Variants in NAP1L4 observed in about 807,000 individuals in gnomAD.
NAP1L4 encodes the protein nucleosome assembly protein 1 like 4.
A neutral mutation model predicts 58.2 loss-of-function variants in NAP1L4; 15 were observed. That is an observed-to-expected ratio of 0.26 (90% CI 0.17 to 0.40). The LOEUF (loss-of-function observed/expected upper bound fraction) is 0.40. NAP1L4 is among the 10% of genes least tolerant of loss of function. NAP1L4 has a pLI of 1.00. For missense variants in NAP1L4, 384 were observed against 451.1 expected, an observed-to-expected ratio of 0.85 and a Z score of 1.35; for synonymous variants, 171 against 155.6, an observed-to-expected ratio of 1.10 and a Z score of -0.74.
At position 2,955,034 on chromosome 11, in the gene NAP1L4, C is replaced by T. The variant is rs539086361; in HGVS notation, c.916-388G>A. On this transcript the variant is annotated intron_variant, in intron 11 of 15. Coordinates refer to ENST00000380542, the MANE Select transcript of NAP1L4 (RefSeq NM_005969.4). This position sits in a 1 kb window ranked among gnomAD's most constrained non-coding sequence, Gnocchi z 4.2. ...AGATGTGTAATGATTTCAAATTAAT[C>T]CCAGAGTTTTAGGAAACAGAAATGG... Among the ~76,000 whole-genome samples, 2 of 152,076 alleles carry T rather than the reference C, an allele frequency of 1.3e-5. No homozygotes were observed. Among genetic ancestry groups the T allele is most frequent in the African/African-American group, 4.8e-5 (2 of 41,398 alleles).
rs1288105064 is a variant in NAP1L4, at chr11:2,954,920, G to A, written c.916-274C>T. ...TCCAAAGGTCTCACCCAGAGTAGGC[G>A]GTATCAGTCTCACATATGGGAAACA... On this transcript the variant is annotated intron_variant, in intron 11 of 15. Coordinates refer to ENST00000380542, the MANE Select transcript of NAP1L4 (RefSeq NM_005969.4). This position sits in a 1 kb window ranked among gnomAD's most constrained non-coding sequence, Gnocchi z 4.8. Among the ~76,000 whole-genome samples, 3 of 152,092 alleles carry A rather than the reference G, an allele frequency of 2.0e-5. No individual in the cohort carries two copies. Among genetic ancestry groups the A allele is most frequent in the Admixed American group, 1.3e-4 (2 of 15,268 alleles).
At chr11:2,967,394 T>C (rs1339767871) in intron 7 of NAP1L4, among the ~76,000 whole-genome samples, 1 of 152,066 alleles carries the variant, frequency 6.6e-6, no homozygotes, top group African/African-American at 2.4e-5. Flanking sequence ...AGGCGGATGA[T>C]GAGGTCAGCA....
intron 3 of NAP1L4, among the ~76,000 whole-genome samples, chr11:2,977,421 T>C (rs557084563): frequency 6.6e-6 from 1 of 152,268 alleles, no homozygotes; most frequent in South Asian, 2.1e-4. Context: ...TTACCCTGAA[T>C]CTCATCAGGA....
chr11:2,959,620 A>G lies in NAP1L4; in HGVS notation c.746+150T>C, dbSNP rs1846739646. 1 of 931,366 alleles carries G rather than the reference A, an allele frequency of 1.1e-6. No homozygotes were observed. Among genetic ancestry groups the G allele is most frequent in the Non-Finnish European group, 1.6e-6 (1 of 641,748 alleles). 57.7% of individuals were successfully genotyped at this position (931,366 alleles called of 1,614,324 possible). On this transcript the variant is annotated intron_variant, in intron 9 of 15. Coordinates refer to ENST00000380542, the MANE Select transcript of NAP1L4 (RefSeq NM_005969.4). The surrounding 1 kb of genome is among the most constrained non-coding windows in gnomAD (Gnocchi z 4.9). ...GCACTATGAGCATTCCCAAACTGAA[A>G]GACTATTGAAATATACATCTACCAG...
intron 10 of NAP1L4, chr11:2,958,136 C>T: frequency 4.7e-6 from 3 of 639,136 alleles, no homozygotes; most frequent in Middle Eastern, 2.4e-4. Context: ...CAAGTTTTTG[C>T]CTGGGCTACA....
At chr11:2,980,772 G>C (rs1848253275) in intron 1 of NAP1L4, among the ~76,000 whole-genome samples, 1 of 152,020 alleles carries the variant, frequency 6.6e-6, no homozygotes, top group Non-Finnish European at 1.5e-5. Context: ...TTCTAATTAT[G>C]ATCTATGACT....
chr11:2,961,130 G>GC (rs1401999245), intron 8 of NAP1L4, among the ~76,000 whole-genome samples: 1 of 151,754 alleles, frequency 6.6e-6, no homozygotes, highest in Admixed American at 6.6e-5. Context: ...ATCAACGGGG[G>GC]GGAAATTAAG....
In NAP1L4 at chr11:2,955,829, C is replaced by T. The variant is rs566143237; in HGVS notation, c.893-63G>A. ...TGACAACTCCCAGAATTTTAAAGCC[C>T]ACACAGGAGGAAGCTGTGCTGGTAG... On this transcript the variant is annotated intron_variant, in intron 10 of 15. Coordinates refer to ENST00000380542, the MANE Select transcript of NAP1L4 (RefSeq NM_005969.4). This position sits in a 1 kb window ranked among gnomAD's most constrained non-coding sequence, Gnocchi z 4.2. 31 of 1,460,564 alleles carry T rather than the reference C, an allele frequency of 2.1e-5. No individual in the cohort carries two copies. The highest frequency in any genetic ancestry group is 1.8e-4 in the East Asian group (8 of 43,986). 90.5% of individuals were successfully genotyped at this position (1,460,564 alleles called of 1,614,324 possible). A position where few individuals can be genotyped will look rare whatever the true frequency, so the allele number is the denominator to read the frequency against.
At chr11:2,967,811 G>A (rs1047089592) in intron 7 of NAP1L4, among the ~76,000 whole-genome samples, 6 of 152,146 alleles carry the variant, frequency 3.9e-5, no homozygotes, top group African/African-American at 1.2e-4. Context: ...CTGAAATGCT[G>A]AAGCACTGAC....
At chr11:2,989,630 A>G (rs1848837607) in intron 1 of NAP1L4, among the ~76,000 whole-genome samples, 1 of 152,222 alleles carries the variant, frequency 6.6e-6, no homozygotes, top group Admixed American at 6.5e-5. Flanking sequence ...GCTAGAGACT[A>G]TCAACTGCTC....
intron 8 of NAP1L4, among the ~76,000 whole-genome samples, chr11:2,961,126 G>C (rs892270670): frequency 8.5e-5 from 3 of 35,254 alleles, no homozygotes; most frequent in African/African-American, 1.5e-4. Context: ...AACCATCAAC[G>C]GGGGGGAAAT....
chr11:2,982,789 A>C (rs950967994), intron 1 of NAP1L4, among the ~76,000 whole-genome samples: 1 of 152,178 alleles, frequency 6.6e-6, no homozygotes, highest in Admixed American at 6.5e-5. Context: ...TTGGGAGGCC[A>C]AGGCGGGCAG....
chr11:2,954,530 G>A lies in NAP1L4; in HGVS notation c.1032C>T (p.Asp344=). The change falls in exon 12 of 16, where the codon GAC becomes GAT. Residue 344 remains aspartate (D), a synonymous_variant. Transcript: ENST00000380542. The surrounding 1 kb of genome is among the most constrained non-coding windows in gnomAD (Gnocchi z 4.8). ...YFTGEAIEDD[D]NFEEGEEGEE... is the part of the protein sequence containing the mutation. ...CCCCCTTCCCCGAGCCTCATACATT[G>A]TCATCATCTTCTATGGCCTCCCCAG... 1 of 1,614,166 alleles carries A rather than the reference G, an allele frequency of 6.2e-7. No individual in the cohort carries two copies.
intron 7 of NAP1L4, among the ~76,000 whole-genome samples, chr11:2,966,005 C>T (rs114081751): frequency 0.013 from 1,912 of 152,270 alleles, 14 homozygotes; most frequent in Middle Eastern, 0.024. Flanking sequence ...CTTAGAAAGT[C>T]CCAGTGAGGA....
chr11:2,972,337 G>T, intron 4 of NAP1L4, 94 bp from the exon 5 acceptor site: 1 of 1,146,402 alleles, frequency 8.7e-7, no homozygotes, highest in Non-Finnish European at 1.2e-6. Flanking sequence ...GGTTAACATG[G>T]AATCAACATC....
intron 8 of NAP1L4, chr11:2,963,792 C>A (rs777037278): frequency 5.8e-6 from 3 of 519,320 alleles, no homozygotes; most frequent in Non-Finnish European, 1.2e-5. Flanking sequence ...AGACCTGAAA[C>A]TGAAAGCCAC....
intron 1 of NAP1L4, chr11:2,991,451 G>T (rs1033908288): frequency 3.9e-5 from 7 of 177,508 alleles, no homozygotes; most frequent in African/African-American, 7.2e-5. Flanking sequence ...TTTTTTTTTT[G>T]GAGATTTTGC....
At chr11:2,968,488 T>C (rs1416397761) in intron 7 of NAP1L4, among the ~76,000 whole-genome samples, 2 of 152,254 alleles carry the variant, frequency 1.3e-5, no homozygotes, top group African/African-American at 2.4e-5. Context: ...TGTTCTATTT[T>C]AGATGCTTTC....
intron 7 of NAP1L4, among the ~76,000 whole-genome samples, chr11:2,965,826 G>A (rs1158424157): frequency 6.6e-5 from 10 of 152,166 alleles, no homozygotes; most frequent in South Asian, 4.1e-4. Context: ...CACCGCGCCC[G>A]GCCACACACG....
Sources: gnomAD v4.1 joint callset for allele counts (sites outside exome capture counted in the v4.1 genomes callset) on GRCh38, gnomAD v4.1.1 for gene constraint, Gnocchi (gnomAD v3.1) non-coding constraint, MANE v1.5 for transcripts, NCBI Gene and HGNC (gene_info 2026-07-23, HGNC 2026-07-21) for gene names.